SESTD1: variants seen among roughly 807,000 people sequenced by gnomAD.
The protein encoded by SESTD1 is SEC14 domain and spectrin repeat-containing protein 1.
Under a neutral mutation model 101.7 loss-of-function variants are expected in SESTD1, and 43 were observed. The observed-to-expected ratio is 0.42, with a 90% CI of 0.33 to 0.55. The LOEUF (loss-of-function observed/expected upper bound fraction) is 0.55, where lower values mean the gene tolerates loss of function less well. Among genes scored for constraint, SESTD1 ranks in the 20% least tolerant of loss-of-function variants. The pLI is 0.07. For synonymous variants in SESTD1, 283 were observed against 286.8 expected (o/e 0.99, Z 0.13); for missense variants, 647 against 815.1 (o/e 0.79, Z 2.51).
chr2:179,261,047 A>G (rs548527307), intron 1 of SESTD1, among the ~76,000 whole-genome samples: 1 of 152,210 alleles, frequency 6.6e-6, no homozygotes, highest in Non-Finnish European at 1.5e-5. Context: ...ATATACACAT[A>G]CATACTATTC....
intron 5 of SESTD1, among the ~76,000 whole-genome samples, chr2:179,166,452 G>A (rs1045255254): frequency 2.6e-5 from 4 of 152,272 alleles, no homozygotes; most frequent in South Asian, 4.1e-4. Flanking sequence ...ACAGGTGGAA[G>A]AAGGGAAAAG....
chr2:179,151,447 AAAGT>A lies in SESTD1; in HGVS notation c.370-60_370-57del, dbSNP rs2045528492. 3.9e-6 allele frequency: 5 copies of A among 1,278,992 alleles called. No individual in the cohort carries two copies. In the East Asian group the frequency reaches 1.3e-4, roughly 32 times the overall value. The allele number at this position is 1,278,992 out of a possible 1,614,324, so 79.2% of individuals were successfully genotyped here. ...TAGTAACCCACTATTAAAATCCACG[AAAGT>A]AACCAGGAGGTAAAATTAGGTTAAA... On this transcript the variant is annotated intron_variant, in intron 5 of 17. Coordinates refer to ENST00000428443, the MANE Select transcript of SESTD1 (RefSeq NM_178123.5).
chr2:179,116,927 C>A, intron 14 of SESTD1, 137 bp from the exon 15 acceptor site: 1 of 1,184,066 alleles, frequency 8.4e-7, no homozygotes, highest in South Asian at 1.6e-5. Context: ...AAGCTTATTT[C>A]ATTCAATGAT....
intron 1 of SESTD1, among the ~76,000 whole-genome samples, chr2:179,247,336 A>C: frequency 6.6e-6 from 1 of 152,286 alleles, no homozygotes; most frequent in East Asian, 1.9e-4. Context: ...AAATAAATGA[A>C]GCATAAGTTC....
intron 10 of SESTD1, among the ~76,000 whole-genome samples, chr2:179,125,780 C>A (rs1413433468): frequency 2.6e-5 from 4 of 152,138 alleles, no homozygotes; most frequent in African/African-American, 9.7e-5. Flanking sequence ...TCCCTTTTCA[C>A]TTCTTCATTC....
intron 1 of SESTD1, among the ~76,000 whole-genome samples, chr2:179,235,187 G>A (rs1311653833): frequency 6.6e-6 from 1 of 152,082 alleles, no homozygotes; most frequent in East Asian, 1.9e-4. Flanking sequence ...CGATTATATT[G>A]TGGTTATATA....
At chr2:179,208,635 T>C (rs1368037451) in intron 1 of SESTD1, among the ~76,000 whole-genome samples, 1 of 134,812 alleles carries the variant, frequency 7.4e-6, no homozygotes, top group Non-Finnish European at 1.6e-5. Context: ...GCTTCATAAA[T>C]GAAGGAGAGA....
At chr2:179,261,806 C>A (rs2047487524) in intron 1 of SESTD1, among the ~76,000 whole-genome samples, 1 of 152,090 alleles carries the variant, frequency 6.6e-6, no homozygotes, top group Non-Finnish European at 1.5e-5. Context: ...CTATGGAAAA[C>A]AGTCAAGCAG....
chr2:179,177,383 T>A (rs1201941848), intron 3 of SESTD1, among the ~76,000 whole-genome samples: 1 of 152,204 alleles, frequency 6.6e-6, no homozygotes, highest in East Asian at 1.9e-4. Context: ...ACAGCTTTGC[T>A]TATCAGAGCA....
At chr2:179,236,224 A>G (rs546918248) in intron 1 of SESTD1, among the ~76,000 whole-genome samples, 318 of 151,242 alleles carry the variant, frequency 2.1e-3, no homozygotes, top group Admixed American at 3.6e-3. Flanking sequence ...GTGGTGGCTC[A>G]CACCTGTAAT....
chr2:179,188,868 T>C (rs547865796), intron 2 of SESTD1, among the ~76,000 whole-genome samples: 6 of 152,106 alleles, frequency 3.9e-5, no homozygotes, highest in African/African-American at 9.6e-5. Flanking sequence ...CCTCCCAAGG[T>C]TGAATCATAA....
At chr2:179,158,761 T>C (rs191127438) in intron 5 of SESTD1, among the ~76,000 whole-genome samples, 10 of 152,332 alleles carry the variant, frequency 6.6e-5, no homozygotes, top group Admixed American at 6.5e-4. Flanking sequence ...TCTTATAAAA[T>C]TCACTGGTGG....
intron 14 of SESTD1, 81 bp downstream of exon 14, chr2:179,117,451 A>G: frequency 7.8e-7 from 1 of 1,287,938 alleles, no homozygotes; most frequent in Non-Finnish European, 1.1e-6. Context: ...AGGACCATGA[A>G]AAGTACACTT....
At chr2:179,123,007 C>T (rs2044787726) in intron 12 of SESTD1, among the ~76,000 whole-genome samples, 1 of 152,166 alleles carries the variant, frequency 6.6e-6, no homozygotes, top group Admixed American at 6.5e-5. Context: ...CATGTGCAAC[C>T]ACTTTTTACT....
intron 5 of SESTD1, among the ~76,000 whole-genome samples, chr2:179,168,056 G>A (rs1188214837): frequency 2.0e-5 from 3 of 152,120 alleles, no homozygotes; most frequent in African/African-American, 7.2e-5. Flanking sequence ...ACCGCACCCG[G>A]TGAGAAAGCA....
Position 179,123,794 on chromosome 2 carries a change from C to A in SESTD1, c.1203G>T (p.Leu401Phe). ...CATCAGCTGGTGCTACATCTACGCA[C>A]AACATCCCTAATAAGCCATCCAACT... ...SQQLDGLLGM[L>F]CVDVAPADGA... is the part of the protein sequence containing the mutation. The change falls in exon 12 of 18, where the codon TTG (leucine) becomes TTT (phenylalanine). Residue 401 changes from leucine to phenylalanine, a missense_variant. Coordinates refer to ENST00000428443, the MANE Select transcript of SESTD1 (RefSeq NM_178123.5). The A allele has an allele frequency of 6.2e-7, 1 of 1,614,016 alleles. No homozygotes were observed. Among genetic ancestry groups the A allele is most frequent in the Non-Finnish European group, 8.5e-7 (1 of 1,179,934 alleles).
At chr2:179,114,715 C>T (rs1559095826) in intron 16 of SESTD1, among the ~76,000 whole-genome samples, 1 of 152,004 alleles carries the variant, frequency 6.6e-6, no homozygotes, top group Non-Finnish European at 1.5e-5. Flanking sequence ...GTTGCCAAAG[C>T]AAAAAGTTTC....
At chr2:179,136,377 T>C (rs2045145161) in intron 9 of SESTD1, among the ~76,000 whole-genome samples, 1 of 152,178 alleles carries the variant, frequency 6.6e-6, no homozygotes, top group Non-Finnish European at 1.5e-5. Context: ...CATTTTACAA[T>C]AACAACCCTG....
intron 1 of SESTD1, among the ~76,000 whole-genome samples, chr2:179,195,012 A>G (rs540067836): frequency 6.6e-6 from 1 of 152,324 alleles, no homozygotes; most frequent in African/African-American, 2.4e-5. Context: ...GAACAGAGCT[A>G]CAGAGAAAGA....
Sources: gnomAD v4.1 joint callset for allele counts (sites outside exome capture counted in the v4.1 genomes callset) on GRCh38, gnomAD v4.1.1 for gene constraint, MANE v1.5 for transcripts, NCBI Gene and HGNC (gene_info 2026-07-23, HGNC 2026-07-21) for gene names.